The following TUSC3 variants were observed in gnomAD, a reference collection of about 807,000 sequenced individuals.
TUSC3 encodes tumor suppressor candidate 3.
Under a neutral mutation model 44.8 loss-of-function variants are expected in TUSC3, and 45 were observed. That is an observed-to-expected ratio of 1.00 (90% CI 0.79 to 1.29). The LOEUF (loss-of-function observed/expected upper bound fraction) is 1.29, where lower values mean the gene tolerates loss of function less well. Among genes scored for constraint, TUSC3 ranks in the 50% most tolerant of loss-of-function variants. The pLI is 0.00. For synonymous variants in TUSC3, 212 were observed against 152.9 expected (o/e 1.39, Z -2.85); for missense variants, 519 against 437.9 (o/e 1.19, Z -1.65).
At chr8:15,814,993 G>A in the TUSC3 span, among the ~76,000 whole-genome samples, 1 of 151,998 alleles carries the variant, frequency 6.6e-6, no homozygotes, top group Non-Finnish European at 1.5e-5. Context: ...AATACAACAT[G>A]AAACAAGATA....
At chr8:15,822,718 C>T in the TUSC3 span, among the ~76,000 whole-genome samples, 1 of 152,026 alleles carries the variant, frequency 6.6e-6, no homozygotes, top group African/African-American at 2.4e-5. Context: ...GTATGAAAAG[C>T]AGGAAAATGG....
intron 1 of TUSC3, among the ~76,000 whole-genome samples, chr8:15,477,154 C>T (rs867153222): frequency 1.3e-5 from 2 of 152,110 alleles, no homozygotes; most frequent in African/African-American, 2.4e-5. Context: ...TGATTTAGTT[C>T]TGGGAAGTCA....
At chr8:15,503,524 A>T (rs958367244) in intron 2 of TUSC3, among the ~76,000 whole-genome samples, 2 of 152,060 alleles carry the variant, frequency 1.3e-5, no homozygotes, top group Non-Finnish European at 2.9e-5. Context: ...CTTCAACTTA[A>T]TGAGACCCTA....
chr8:15,844,275 T>C, the TUSC3 span, among the ~76,000 whole-genome samples: 9 of 152,202 alleles, frequency 5.9e-5, no homozygotes, highest in Non-Finnish European at 7.4e-5. Flanking sequence ...TTACTTCCCT[T>C]AGTTATTAAT....
intron 1 of TUSC3, among the ~76,000 whole-genome samples, chr8:15,435,841 T>G (rs1799939061): frequency 6.6e-6 from 1 of 152,216 alleles, no homozygotes; most frequent in Admixed American, 6.5e-5. Context: ...GTTCTTTTTT[T>G]TCTTAATGTA....
chr8:15,483,128 G>C (rs904206206), intron 1 of TUSC3, among the ~76,000 whole-genome samples: 7 of 151,984 alleles, frequency 4.6e-5, no homozygotes, highest in Non-Finnish European at 1.0e-4. Context: ...TAATTTGAGA[G>C]GAAAGTGTTA....
intron 1 of TUSC3, among the ~76,000 whole-genome samples, chr8:15,569,479 G>A (rs1802792141): frequency 6.6e-6 from 1 of 152,132 alleles, no homozygotes; most frequent in South Asian, 2.1e-4. Context: ...TGGAATATAT[G>A]TGTAATTATC....
chr8:15,545,714 G>T (rs1189052894), intron 1 of TUSC3, among the ~76,000 whole-genome samples: 1 of 151,684 alleles, frequency 6.6e-6, no homozygotes, highest in African/African-American at 2.4e-5. Flanking sequence ...ACAGAGAAGG[G>T]GAAAGAGTGG....
rs747095673 is a variant in TUSC3 at position 15,748,348 on chromosome 8, C to G, written c.938-27C>G. 1.5e-5 allele frequency: 23 copies of G among 1,534,432 alleles called. No homozygotes were observed. In the East Asian group the frequency reaches 3.6e-4, roughly 24 times the overall value. On this transcript the variant is annotated intron_variant, in intron 8 of 10. Coordinates refer to ENST00000503731, the MANE Select transcript of TUSC3 (RefSeq NM_006765.4). ...GGTTTCATTTGCATATTTTTAGACA[C>G]TAATGGTATTTTCTGTCTGTTTCTA...
At chr8:15,693,858 T>C (rs956522649) in intron 6 of TUSC3, among the ~76,000 whole-genome samples, 2 of 152,120 alleles carry the variant, frequency 1.3e-5, no homozygotes, top group Non-Finnish European at 2.9e-5. Flanking sequence ...TTTTTCTTCA[T>C]TTCTGAATGA....
At chr8:15,771,821 G>A in the TUSC3 span, among the ~76,000 whole-genome samples, 3 of 152,148 alleles carry the variant, frequency 2.0e-5, no homozygotes, top group African/African-American at 7.2e-5. Context: ...GGGCACGGTG[G>A]CTCACGCCTG....
chr8:15,435,024 G>C (rs1319505956), intron 1 of TUSC3, among the ~76,000 whole-genome samples: 2 of 148,000 alleles, frequency 1.4e-5, no homozygotes, highest in African/African-American at 2.6e-5. Context: ...ATAGCAGCAT[G>C]ATTTATAATC....
At chr8:15,548,721 A>G (rs1585090390) in intron 1 of TUSC3, among the ~76,000 whole-genome samples, 1 of 151,980 alleles carries the variant, frequency 6.6e-6, no homozygotes, top group Non-Finnish European at 1.5e-5. Flanking sequence ...TAAGGGAGGT[A>G]TTGTTGAATT....
intron 1 of TUSC3, among the ~76,000 whole-genome samples, chr8:15,447,307 CAATT>C (rs930829212): frequency 1.4e-4 from 22 of 152,114 alleles, no homozygotes; most frequent in African/African-American, 5.3e-4. Context: ...CGTTATAACT[CAATT>C]AATTTATATG....
intron 1 of TUSC3, among the ~76,000 whole-genome samples, chr8:15,574,662 T>C (rs939126968): frequency 6.6e-6 from 1 of 152,180 alleles, no homozygotes; most frequent in African/African-American, 2.4e-5. Context: ...TTTTGACCCA[T>C]AGTTGCTTCC....
At chr8:15,783,935 T>C in the TUSC3 span, among the ~76,000 whole-genome samples, 1 of 152,160 alleles carries the variant, frequency 6.6e-6, no homozygotes, top group Non-Finnish European at 1.5e-5. Context: ...GAGAAAATGT[T>C]AGCAAATTAT....
chr8:15,837,014 G>C, the TUSC3 span, among the ~76,000 whole-genome samples: 5 of 152,012 alleles, frequency 3.3e-5, no homozygotes, highest in Non-Finnish European at 2.9e-5. Flanking sequence ...AATAAGGTAG[G>C]TCTGATTTTT....
At chr8:15,513,854 A>C (rs1274874252) in intron 2 of TUSC3, among the ~76,000 whole-genome samples, 1 of 152,076 alleles carries the variant, frequency 6.6e-6, no homozygotes, top group African/African-American at 2.4e-5. Context: ...TTTTCAGTCT[A>C]ACTTTTACTT....
intron 2 of TUSC3, among the ~76,000 whole-genome samples, chr8:15,634,998 T>A (rs1805999241): frequency 6.6e-6 from 1 of 152,134 alleles, no homozygotes; most frequent in South Asian, 2.1e-4. Context: ...ACTAAGACCA[T>A]GTCAGTAAAA....
Sources: gnomAD v4.1 joint callset for allele counts (sites outside exome capture counted in the v4.1 genomes callset) on GRCh38, gnomAD v4.1.1 for gene constraint, MANE v1.5 for transcripts, NCBI Gene and HGNC (gene_info 2026-07-23, HGNC 2026-07-21) for gene names.